EHMT1: variants seen among roughly 807,000 people sequenced by gnomAD.
EHMT1 encodes the protein euchromatic histone lysine methyltransferase 1.
In EHMT1, 15 loss-of-function variants were observed where a neutral mutation model predicts 147.2. The ratio of observed to expected loss-of-function variants is 0.10; its 90% CI spans 0.07 to 0.16. The LOEUF (loss-of-function observed/expected upper bound fraction) is 0.16, where lower values mean the gene tolerates loss of function less well. Ranked by LOEUF, EHMT1 falls within the 10% of genes least tolerant of loss-of-function variation. EHMT1 has a pLI of 1.00. For synonymous variants in EHMT1, 795 were observed against 709.6 expected (o/e 1.12, Z -1.91); for missense variants, 1,587 against 1,772.4 (o/e 0.90, Z 1.88).
intron 23 of EHMT1, 47 bp downstream of exon 23, chr9:137,816,109 C>G: frequency 6.6e-7 from 1 of 1,515,000 alleles, no homozygotes; most frequent in South Asian, 1.2e-5. Flanking sequence ...CTCGTATTAG[C>G]ACGTATTAGC....
Position 137,817,426 on chromosome 9 carries a change from C to G in EHMT1, c.3375-13C>G. The G allele has an allele frequency of 6.3e-7, 1 of 1,598,822 alleles. No homozygotes were observed. The highest frequency in any genetic ancestry group is 8.5e-7 in the Non-Finnish European group (1 of 1,172,224). ...GCTGTGGCCTGGGTTCACCACTACT[C>G]TCTATTTTTCAGGGCAAGGCTGCAG... On this transcript the variant is annotated splice_polypyrimidine_tract_variant and intron_variant, in intron 23 of 26. Transcript: ENST00000460843.
chr9:137,810,373 G>C (rs908514184), intron 18 of EHMT1, among the ~76,000 whole-genome samples: 6 of 152,256 alleles, frequency 3.9e-5, no homozygotes, highest in Non-Finnish European at 8.8e-5. Flanking sequence ...TCAGGGACAG[G>C]TGGGCATCAG....
Position 137,787,504 on chromosome 9 carries a change from A to G in EHMT1, c.2383-3344A>G, listed in dbSNP as rs1952075638. Among the ~76,000 whole-genome samples the G allele has an allele frequency of 6.6e-6, 1 of 152,320 alleles. No homozygotes were observed. The highest frequency in any genetic ancestry group is 2.4e-5 in the African/African-American group (1 of 41,576). On this transcript the variant is annotated intron_variant, in intron 15 of 26. Coordinates refer to ENST00000460843, the MANE Select transcript of EHMT1 (RefSeq NM_024757.5). The surrounding 1 kb of genome is among the most constrained non-coding windows in gnomAD (Gnocchi z 4.2). ...GGCCAGGGCCGTGCCCAGCTCGGCC[A>G]CGGCCACACGTGGGGTAGTTAGTAA...
intron 22 of EHMT1, chr9:137,815,597 C>T (rs1564815250): frequency 2.7e-6 from 1 of 373,820 alleles, no homozygotes; most frequent in South Asian, 2.2e-5. Context: ...GCAGGAGGCC[C>T]CAACCAGCTG....
intron 6 of EHMT1, 133 bp from the exon 7 acceptor site, chr9:137,752,198 C>G (rs1431470848): frequency 1.8e-6 from 2 of 1,105,680 alleles, no homozygotes; most frequent in East Asian, 5.2e-5. Flanking sequence ...GCGCCCCCGC[C>G]CCGCGAGCGT....
intron 4 of EHMT1, among the ~76,000 whole-genome samples, chr9:137,730,392 AAGG>A (rs1268776855): frequency 6.6e-6 from 1 of 152,074 alleles, no homozygotes; most frequent in Non-Finnish European, 1.5e-5. Context: ...TTTCTGCTGT[AAGG>A]AGGTGCTTCA....
chr9:137,633,375 A>G (rs969087894), intron 1 of EHMT1, among the ~76,000 whole-genome samples: 41 of 148,944 alleles, frequency 2.8e-4, no homozygotes, highest in African/African-American at 9.7e-4. Context: ...TTTTGGGGGG[A>G]TAACATTTTG....
In EHMT1 at chr9:137,711,065, G is replaced by A. The variant is rs151087743; in HGVS notation, c.85+35G>A. 4.4e-4 allele frequency: 688 copies of A among 1,563,024 alleles called. No homozygotes were observed. Among genetic ancestry groups the A allele is most frequent in the East Asian group, 2.1e-3 (87 of 42,430 alleles). ...GTGTGCACCGAGGGACAGGAGCAGC[G>A]CCTCCCTCCAGACTAGAAAACCTGC... On this transcript the variant is annotated intron_variant, in intron 2 of 26. Coordinates refer to ENST00000460843, the MANE Select transcript of EHMT1 (RefSeq NM_024757.5).
chr9:137,763,075 C>G (rs1311485241), intron 10 of EHMT1: 16 of 610,698 alleles, frequency 2.6e-5, no homozygotes, highest in Admixed American at 2.0e-4. Flanking sequence ...TGTTGTATTT[C>G]TTTTTTATGA....
At chr9:137,817,914 C>T in intron 24 of EHMT1, 146 bp from the exon 25 acceptor site, 1 of 803,864 alleles carries the variant, frequency 1.2e-6, no homozygotes, top group East Asian at 2.5e-5. Context: ...CCAGTTCAAC[C>T]CTGGGCACAC....
intron 14 of EHMT1, among the ~76,000 whole-genome samples, chr9:137,780,617 G>A (rs1951360225): frequency 1.5e-5 from 2 of 134,406 alleles, no homozygotes; most frequent in Non-Finnish European, 1.6e-5. Context: ...GGGATGTGTG[G>A]TGATGACGCT....
chr9:137,673,993 A>G (rs550838363), intron 1 of EHMT1, among the ~76,000 whole-genome samples: 4 of 152,174 alleles, frequency 2.6e-5, no homozygotes, highest in Non-Finnish European at 5.9e-5. Flanking sequence ...GTTGTCTTGG[A>G]ATAGAGCCCA....
intron 18 of EHMT1, among the ~76,000 whole-genome samples, chr9:137,807,670 G>A (rs748594790): frequency 1.1e-4 from 17 of 151,966 alleles, no homozygotes; most frequent in Non-Finnish European, 2.1e-4. Context: ...ACCACGCCTG[G>A]CTAAGTTTTG....
At chr9:137,639,109 C>T (rs1230325655) in intron 1 of EHMT1, among the ~76,000 whole-genome samples, 1 of 152,020 alleles carries the variant, frequency 6.6e-6, no homozygotes, top group African/African-American at 2.4e-5. Context: ...AGAAGTGTGT[C>T]ATTTAATTTC....
intron 18 of EHMT1, chr9:137,803,009 A>C: frequency 8.1e-7 from 1 of 1,231,498 alleles, no homozygotes; most frequent in East Asian, 3.2e-5. Flanking sequence ...GGCCACCCCC[A>C]GGTGGGGCCA....
Position 137,762,713 on chromosome 9 carries a change from C to A in EHMT1, c.1540C>A (p.Leu514Ile). The A allele has an allele frequency of 1.2e-6, 2 of 1,614,248 alleles. No homozygotes were observed. Among genetic ancestry groups the A allele is most frequent in the South Asian group, 1.1e-5 (1 of 91,090 alleles). Reference protein sequence around the residue: ...NGPDVLETDGLQEVPLCSCRM... With the variant: ...NGPDVLETDGIQEVPLCSCRM... ...TCCAGATGTGCTGGAGACAGACGGC[C>A]TCCAGGAAGTGCCTCTCTGCAGCTG... Residue 514 changes from leucine to isoleucine, a missense_variant, in exon 10 of 27, where the codon CTC becomes ATC. Coordinates refer to ENST00000460843, the MANE Select transcript of EHMT1 (RefSeq NM_024757.5).
Position 137,672,800 on chromosome 9 carries a change from GTGTT to G in EHMT1, c.22-38161_22-38158del, listed in dbSNP as rs143585950. Among the ~76,000 whole-genome samples, 1,500 of 150,600 alleles carry G rather than the reference GTGTT, an allele frequency of 1.0e-2. 24 individuals carry two copies. Among genetic ancestry groups the G allele is most frequent in the African/African-American group, 0.035 (1,440 of 41,450 alleles). On this transcript the variant is annotated intron_variant, in intron 1 of 26. Coordinates refer to ENST00000460843, the MANE Select transcript of EHMT1 (RefSeq NM_024757.5). ...TTGAATGAAATTCAGCCATGAGTGT[GTGTT>G]TGTTTTCCCATGCTATCTCAATCGT...
chr9:137,786,147 T>C lies in EHMT1; in HGVS notation c.2382+3750T>C, dbSNP rs995913861. 3.3e-5 allele frequency: 5 copies of C among 152,282 alleles called. No individual in the cohort carries two copies. The highest frequency in any genetic ancestry group is 3.8e-4 in the East Asian group (2 of 5,202). The allele number at this position is 152,282 out of a possible 1,614,324, so 9.4% of individuals were successfully genotyped here. A position where few individuals can be genotyped will look rare whatever the true frequency, so the allele number is the denominator to read the frequency against. On this transcript the variant is annotated intron_variant, in intron 15 of 26. Transcript: ENST00000460843. The surrounding 1 kb of genome is among the most constrained non-coding windows in gnomAD (Gnocchi z 4.3). ...TCTGTTTTACAGCCTCTTGTGAGTT[T>C]AGTGCCGTGAAATAACATGATGTAT...
intron 1 of EHMT1, among the ~76,000 whole-genome samples, chr9:137,707,115 G>A (rs1378656032): frequency 2.6e-5 from 4 of 152,170 alleles, no homozygotes; most frequent in East Asian, 3.9e-4. Context: ...GTGAGCCAGC[G>A]CGCCTGGCCT....
Sources: allele counts gnomAD v4.1 joint callset (sites outside exome capture counted in the v4.1 genomes callset), GRCh38; gene constraint gnomAD v4.1.1; non-coding constraint Gnocchi (gnomAD v3.1); transcripts MANE v1.5; gene names NCBI Gene and HGNC (gene_info 2026-07-23, HGNC 2026-07-21).